Variants in STXBP4 observed in about 807,000 individuals in gnomAD.
STXBP4 encodes syntaxin-binding protein 4.
STXBP4 carries 55 observed loss-of-function variants against 76.1 expected under a neutral mutation model. That is an observed-to-expected ratio of 0.72 (90% CI 0.58 to 0.91). The LOEUF is 0.91. Among genes scored for constraint, STXBP4 ranks in the 40% least tolerant of loss-of-function variants. The pLI, the probability that STXBP4 is intolerant of heterozygous loss-of-function variation, is 0.00. For synonymous variants in STXBP4, 201 were observed against 220.2 expected (o/e 0.91, Z 0.77); for missense variants, 618 against 636.9 (o/e 0.97, Z 0.32).
intron 8 of STXBP4, among the ~76,000 whole-genome samples, chr17:55,029,610 A>G (rs2078472461): frequency 6.6e-6 from 1 of 151,402 alleles, no homozygotes; most frequent in African/African-American, 2.4e-5. Context: ...ACTATACGAG[A>G]TAAGCAGATG....
At chr17:55,186,115 T>G in the STXBP4 span, among the ~76,000 whole-genome samples, 1 of 152,208 alleles carries the variant, frequency 6.6e-6, no homozygotes, top group Non-Finnish European at 1.5e-5. Flanking sequence ...ACTATGCAAT[T>G]ACTTGTCTAC....
chr17:55,110,079 T>A (rs1396552983), intron 16 of STXBP4, among the ~76,000 whole-genome samples: 1 of 152,252 alleles, frequency 6.6e-6, no homozygotes, highest in Non-Finnish European at 1.5e-5. Flanking sequence ...CTCCATTTTC[T>A]TGCCTTTTCT....
intron 1 of STXBP4, among the ~76,000 whole-genome samples, chr17:54,981,507 C>G (rs2077550728): frequency 6.6e-6 from 1 of 152,068 alleles, no homozygotes; most frequent in Non-Finnish European, 1.5e-5. Context: ...GTAGTTGAGA[C>G]AATGGGGTGG....
At chr17:55,149,695 G>C (rs771922637) in intron 17 of STXBP4, among the ~76,000 whole-genome samples, 1 of 152,144 alleles carries the variant, frequency 6.6e-6, no homozygotes, top group African/African-American at 2.4e-5. Context: ...CCACTCTCTG[G>C]CCAGTCAAAA....
chr17:55,061,801 T>G (rs1406357472), intron 12 of STXBP4, among the ~76,000 whole-genome samples: 4 of 152,212 alleles, frequency 2.6e-5, no homozygotes, highest in South Asian at 2.1e-4. Flanking sequence ...TAGATTCTTG[T>G]GTGTATCTGT....
chr17:55,103,323 G>A (rs1251101778), intron 16 of STXBP4, among the ~76,000 whole-genome samples: 1 of 152,096 alleles, frequency 6.6e-6, no homozygotes, highest in Non-Finnish European at 1.5e-5. Flanking sequence ...TGTAAGGAAG[G>A]GATCCAGTTT....
chr17:55,023,999 G>C (rs1162158601), intron 8 of STXBP4, among the ~76,000 whole-genome samples: 3 of 150,056 alleles, frequency 2.0e-5, no homozygotes, highest in Non-Finnish European at 4.4e-5. Flanking sequence ...AAAGAAAGAT[G>C]ATTGGTACAA....
intron 16 of STXBP4, among the ~76,000 whole-genome samples, chr17:55,119,768 C>T (rs2079823497): frequency 7.3e-6 from 1 of 137,502 alleles, no homozygotes; most frequent in African/African-American, 2.8e-5. Flanking sequence ...ATGTTCTTTA[C>T]CAAAATGTAT....
At chr17:55,185,320 T>C in the STXBP4 span, among the ~76,000 whole-genome samples, 62 of 78,958 alleles carry the variant, frequency 7.9e-4, no homozygotes, top group South Asian at 2.7e-3. Context: ...TCCTTCTCCT[T>C]CTCCTTCTCC....
intron 16 of STXBP4, among the ~76,000 whole-genome samples, chr17:55,127,861 TAAC>T (rs1459862818): frequency 6.6e-6 from 1 of 152,160 alleles, no homozygotes; most frequent in Non-Finnish European, 1.5e-5. Flanking sequence ...ACAAAGATAA[TAAC>T]AACAAATGCT....
At chr17:55,174,549 C>A (rs2080421955), downstream of STXBP4, among the ~76,000 whole-genome samples, 1 of 152,116 alleles carries the variant, frequency 6.6e-6, no homozygotes, top group African/African-American at 2.4e-5. Context: ...TGTTTTCTTG[C>A]TGCTGGGTTT....
At chr17:55,137,716 T>C (rs977244457) in intron 16 of STXBP4, among the ~76,000 whole-genome samples, 1 of 152,130 alleles carries the variant, frequency 6.6e-6, no homozygotes, top group Non-Finnish European at 1.5e-5. Context: ...TTGGTACATG[T>C]ATGGTGCTTA....
intron 16 of STXBP4, among the ~76,000 whole-genome samples, chr17:55,137,723 C>T (rs1412469756): frequency 6.6e-6 from 1 of 152,016 alleles, no homozygotes; most frequent in African/African-American, 2.4e-5. Context: ...ATGTATGGTG[C>T]TTACAACAGT....
At chr17:54,993,060 G>A (rs1407252193) in intron 4 of STXBP4, among the ~76,000 whole-genome samples, 6 of 152,114 alleles carry the variant, frequency 3.9e-5, no homozygotes, top group Non-Finnish European at 7.3e-5. Flanking sequence ...TGTTTGTTAC[G>A]ATGAAAACTA....
In STXBP4 at chr17:55,156,355, A is replaced by G. The variant is rs577481603; in HGVS notation, c.1548-3442A>G. Among the ~76,000 whole-genome samples the G allele has an allele frequency of 2.1e-4, 32 of 152,308 alleles. No individual in the cohort carries two copies. In the South Asian group the frequency reaches 6.4e-3, roughly 31 times the overall value. ...TGTTCTCCAAGCCAGTAAATCTGGG[A>G]TTATCTCATCATACCGATTATGTCA... On this transcript the variant is annotated intron_variant, in intron 17 of 17. Transcript: ENST00000376352.
chr17:55,134,788 A>G (rs1193158275), intron 16 of STXBP4, among the ~76,000 whole-genome samples: 3 of 152,136 alleles, frequency 2.0e-5, no homozygotes, highest in Middle Eastern at 3.2e-3. Flanking sequence ...CACAGAATAA[A>G]GTCCGTTGTA....
intron 16 of STXBP4, among the ~76,000 whole-genome samples, chr17:55,113,815 T>C (rs1315215553): frequency 6.6e-6 from 1 of 152,034 alleles, no homozygotes; most frequent in Non-Finnish European, 1.5e-5. Context: ...TTGTTTGGGT[T>C]TGGGTTTTTT....
intron 16 of STXBP4, among the ~76,000 whole-genome samples, chr17:55,104,978 C>G (rs1049548687): frequency 6.6e-6 from 1 of 152,060 alleles, no homozygotes; most frequent in African/African-American, 2.4e-5. Flanking sequence ...ATGGTATCCC[C>G]TTTATCATTT....
chr17:54,992,591 G>A (rs2144419488), intron 4 of STXBP4, among the ~76,000 whole-genome samples: 1 of 151,752 alleles, frequency 6.6e-6, no homozygotes, highest in Admixed American at 6.6e-5. Context: ...TGAGAGGTGT[G>A]TGTGAGTGTG....
Sources: gnomAD v4.1 joint callset for allele counts (sites outside exome capture counted in the v4.1 genomes callset) on GRCh38, gnomAD v4.1.1 for gene constraint, MANE v1.5 for transcripts, NCBI Gene and HGNC (gene_info 2026-07-23, HGNC 2026-07-21) for gene names.